The following FAM135B variants were observed in gnomAD, a reference collection of about 807,000 sequenced individuals.
The protein encoded by FAM135B is family with sequence similarity 135 member B.
A neutral mutation model predicts 127.7 loss-of-function variants in FAM135B; 43 were observed. That is an observed-to-expected ratio of 0.34 (90% confidence interval 0.26 to 0.43). The LOEUF (loss-of-function observed/expected upper bound fraction) is 0.43. Among genes scored for constraint, FAM135B ranks in the 20% least tolerant of loss-of-function variants. The pLI is 1.00. For synonymous variants in FAM135B, 670 were observed against 665.1 expected (o/e 1.01, Z -0.11); for missense variants, 1,558 against 1,725.6 (o/e 0.90, Z 1.72).
At chr8:138,298,032 A>G (rs1006795662) in intron 3 of FAM135B, among the ~76,000 whole-genome samples, 2 of 152,180 alleles carry the variant, frequency 1.3e-5, no homozygotes, top group African/African-American at 4.8e-5. Context: ...CCACGACTTA[A>G]TACTTGGAGA....
rs1157974086 is a variant in FAM135B, at chr8:138,238,024, C to T, written c.669+4918G>A. On this transcript the variant is annotated intron_variant, in intron 7 of 19. Coordinates refer to ENST00000395297, the MANE Select transcript of FAM135B (RefSeq NM_015912.4). Reference sequence around the variant, plus strand: ...GCACACAAAAGGCTAAAGGAGGCCTCGGGGATGATCATATCCAATTATCTC... The same window carrying T: ...GCACACAAAAGGCTAAAGGAGGCCTTGGGGATGATCATATCCAATTATCTC... 2.0e-5 allele frequency among the ~76,000 whole-genome samples: 3 copies of T among 152,068 alleles called. 1 individual carries two copies. Among genetic ancestry groups the T allele is most frequent in the African/African-American group, 7.2e-5 (3 of 41,394 alleles).
chr8:138,153,232 A>G lies in FAM135B; in HGVS notation c.1259-16T>C, dbSNP rs772699054. ...AAGTTATGCCCTACAAAAAAAAAAG[A>G]AAGAAAATTATATTATAGTGTAAGA... On this transcript the variant is annotated splice_polypyrimidine_tract_variant and intron_variant, in intron 12 of 19. Coordinates refer to ENST00000395297, the MANE Select transcript of FAM135B (RefSeq NM_015912.4). 1.5e-5 allele frequency: 23 copies of G among 1,499,302 alleles called. No individual in the cohort carries two copies. In the East Asian group the frequency reaches 4.8e-4, roughly 31 times the overall value. 92.9% of individuals were successfully genotyped at this position (1,499,302 alleles called of 1,614,324 possible).
chr8:138,371,277 T>C (rs1831097567), intron 1 of FAM135B, among the ~76,000 whole-genome samples: 1 of 152,176 alleles, frequency 6.6e-6, no homozygotes, highest in African/African-American at 2.4e-5. Context: ...GTCTGGCATA[T>C]TGTTGGAACA....
intron 1 of FAM135B, among the ~76,000 whole-genome samples, chr8:138,409,174 C>T (rs552029324): frequency 1.3e-5 from 2 of 152,066 alleles, no homozygotes; most frequent in Admixed American, 6.5e-5. Flanking sequence ...CACTTGTCCA[C>T]TTAGAGGACA....
chr8:138,142,331 C>T (rs921094358), intron 16 of FAM135B, among the ~76,000 whole-genome samples: 9 of 119,120 alleles, frequency 7.6e-5, no homozygotes, highest in Admixed American at 1.1e-4. Flanking sequence ...GATGGAGTCT[C>T]ACTCTGTCGC....
At chr8:138,388,916 G>T (rs1426120477) in intron 1 of FAM135B, among the ~76,000 whole-genome samples, 1 of 152,150 alleles carries the variant, frequency 6.6e-6, no homozygotes, top group Non-Finnish European at 1.5e-5. Flanking sequence ...TGATAATGAT[G>T]TGTCAGTGTA....
chr8:138,413,053 C>A (rs573391880), intron 1 of FAM135B, among the ~76,000 whole-genome samples: 1 of 152,268 alleles, frequency 6.6e-6, no homozygotes, highest in South Asian at 2.1e-4. Context: ...TGACCCGGAC[C>A]GTATTCCTTT....
At chr8:138,381,099 C>A (rs922478915) in intron 1 of FAM135B, among the ~76,000 whole-genome samples, 5 of 152,126 alleles carry the variant, frequency 3.3e-5, no homozygotes, top group African/African-American at 1.2e-4. Flanking sequence ...CAAGACTCTG[C>A]AAAACAGACC....
At chr8:138,474,474 G>C (rs1000163626) in intron 1 of FAM135B, among the ~76,000 whole-genome samples, 1 of 152,126 alleles carries the variant, frequency 6.6e-6, no homozygotes, top group Non-Finnish European at 1.5e-5. Context: ...CCTCATGCCA[G>C]TTTTATTTCT....
At chr8:138,473,154 C>A (rs1183575430) in intron 1 of FAM135B, among the ~76,000 whole-genome samples, 1 of 151,998 alleles carries the variant, frequency 6.6e-6, no homozygotes, top group Non-Finnish European at 1.5e-5. Flanking sequence ...CGACTTAAGG[C>A]CTTGCATTAA....
chr8:138,161,601 G>A (rs1370017500), intron 12 of FAM135B, among the ~76,000 whole-genome samples: 4 of 152,156 alleles, frequency 2.6e-5, no homozygotes. Flanking sequence ...TGACCATGAA[G>A]TAAACCACTG....
chr8:138,422,986 G>A (rs1587415525), intron 1 of FAM135B, among the ~76,000 whole-genome samples: 2 of 152,148 alleles, frequency 1.3e-5, no homozygotes, highest in Non-Finnish European at 2.9e-5. Flanking sequence ...GCAGCTGGAG[G>A]CCATTATCCT....
chr8:138,211,295 C>T (rs1439365407), intron 7 of FAM135B, among the ~76,000 whole-genome samples: 2 of 152,136 alleles, frequency 1.3e-5, no homozygotes, highest in African/African-American at 4.8e-5. Context: ...TCATCGTTTA[C>T]CTGGGACTTT....
chr8:138,317,430 A>G (rs148732011), intron 2 of FAM135B, among the ~76,000 whole-genome samples: 60 of 152,288 alleles, frequency 3.9e-4, no homozygotes, highest in African/African-American at 1.4e-3. Context: ...GATGAAAATA[A>G]TTTGTATCCT....
intron 12 of FAM135B, among the ~76,000 whole-genome samples, chr8:138,155,969 C>T (rs1345469446): frequency 2.0e-5 from 3 of 152,172 alleles, no homozygotes; most frequent in Non-Finnish European, 4.4e-5. Flanking sequence ...ACAGAACTCT[C>T]CACCCCAAAT....
At chr8:138,305,275 A>G (rs1009454045) in intron 3 of FAM135B, among the ~76,000 whole-genome samples, 1 of 152,188 alleles carries the variant, frequency 6.6e-6, no homozygotes, top group Non-Finnish European at 1.5e-5. Context: ...TCTTGCTTTG[A>G]TGAGCAATGA....
At chr8:138,206,379 ATCATCCCCT>A (rs1817603960) in intron 7 of FAM135B, among the ~76,000 whole-genome samples, 2 of 150,658 alleles carry the variant, frequency 1.3e-5, no homozygotes, top group South Asian at 2.1e-4. Context: ...CCACAACTCT[ATCATCCCCT>A]CCACCTACAC....
intron 3 of FAM135B, among the ~76,000 whole-genome samples, chr8:138,274,051 C>A (rs1823610466): frequency 6.6e-6 from 1 of 152,126 alleles, no homozygotes; most frequent in Non-Finnish European, 1.5e-5. Context: ...CAGTACAGAA[C>A]CTTTGATTAT....
chr8:138,201,065 A>G (rs933525408), intron 7 of FAM135B, among the ~76,000 whole-genome samples: 1 of 152,212 alleles, frequency 6.6e-6, no homozygotes, highest in African/African-American at 2.4e-5. Flanking sequence ...TGAGGCATTC[A>G]AGTCCTGCAG....
Sources: gnomAD v4.1 joint callset for allele counts (sites outside exome capture counted in the v4.1 genomes callset) on GRCh38, gnomAD v4.1.1 for gene constraint, MANE v1.5 for transcripts, NCBI Gene and HGNC (gene_info 2026-07-23, HGNC 2026-07-21) for gene names.